APLP2: variants seen among roughly 807,000 people sequenced by gnomAD.
APLP2 encodes CDEI box-binding protein.
A neutral mutation model predicts 89.9 loss-of-function variants in APLP2; 53 were observed. The ratio of observed to expected loss-of-function variants is 0.59; its 90% CI spans 0.47 to 0.74. The LOEUF (loss-of-function observed/expected upper bound fraction) is 0.74, where lower values mean the gene tolerates loss of function less well. Among genes scored for constraint, APLP2 ranks in the 30% least tolerant of loss-of-function variants. The pLI is 0.00. For missense variants in APLP2, 973 were observed against 975.9 expected (o/e 1.00, Z 0.04); for synonymous variants, 372 against 348.6 (o/e 1.07, Z -0.75).
intron 5 of APLP2, 152 bp downstream of exon 5, chr11:130,121,962 A>T: frequency 8.0e-7 from 1 of 1,253,022 alleles, no homozygotes; most frequent in Non-Finnish European, 1.1e-6. Flanking sequence ...CATTCTAGCC[A>T]TTGCCAATCA....
intron 9 of APLP2, among the ~76,000 whole-genome samples, chr11:130,128,607 C>T (rs1465896812): frequency 2.6e-5 from 4 of 152,182 alleles, no homozygotes; most frequent in Non-Finnish European, 5.9e-5. Context: ...TGGCAAAAAT[C>T]ACAATTACTT....
At chr11:130,094,719 A>C (rs1211125446) in intron 1 of APLP2, among the ~76,000 whole-genome samples, 1 of 152,230 alleles carries the variant, frequency 6.6e-6, no homozygotes. Context: ...ACCCTTTCTT[A>C]GGAAGCTATG....
At position 130,135,583 on chromosome 11, in the gene APLP2, C is replaced by A; in HGVS notation, c.1705C>A (p.Arg569Ser). 1 of 1,614,108 alleles carries A rather than the reference C, an allele frequency of 6.2e-7. No individual in the cohort carries two copies. Among genetic ancestry groups the A allele is most frequent in the Non-Finnish European group, 8.5e-7 (1 of 1,179,982 alleles). ...ATCAGATGAGCTCCTTCAGGAGCAG[C>A]GTGCAGATATGGACCAGTTCACTGC... Reference protein sequence around the residue: ...EEIDELLQEQRADMDQFTASI... With the variant: ...EEIDELLQEQSADMDQFTASI... The change falls in exon 13 of 17, where the codon CGT becomes AGT. Residue 569 changes from arginine to serine, a missense_variant. Transcript: ENST00000338167.
In APLP2 at chr11:130,123,606, A is replaced by T. The variant is rs1292732368; in HGVS notation, c.923-6A>T. The T allele has an allele frequency of 6.2e-7, 1 of 1,611,424 alleles. No individual in the cohort carries two copies. Among genetic ancestry groups the T allele is most frequent in the Non-Finnish European group, 8.5e-7 (1 of 1,178,956 alleles). ...TCCTGCTGACACTCTGACCATTTTC[A>T]CACAGCTGTCTGCTCCCAGGAGGCG... On this transcript the variant is annotated splice_region_variant and splice_polypyrimidine_tract_variant and intron_variant, in intron 6 of 16. Coordinates refer to ENST00000338167, the MANE Select transcript of APLP2 (RefSeq NM_001142276.2). This position sits in a 1 kb window ranked among gnomAD's most constrained non-coding sequence, Gnocchi z 4.0.
intron 1 of APLP2, among the ~76,000 whole-genome samples, chr11:130,077,883 C>A (rs1417650233): frequency 6.6e-6 from 1 of 152,174 alleles, no homozygotes; most frequent in Non-Finnish European, 1.5e-5. Flanking sequence ...AAAGTGCCAG[C>A]CACCCTTGCT....
At chr11:130,115,871 A>T (rs1349464493) in intron 3 of APLP2, among the ~76,000 whole-genome samples, 1 of 152,220 alleles carries the variant, frequency 6.6e-6, no homozygotes, top group Non-Finnish European at 1.5e-5. Flanking sequence ...CTACTTTTTA[A>T]AAAGGGGTTT....
In APLP2 at chr11:130,086,807, CAT is replaced by C. The variant is rs145149726; in HGVS notation, c.105+16726_105+16727del. Among the ~76,000 whole-genome samples, 548 of 152,334 alleles carry C rather than the reference CAT, an allele frequency of 3.6e-3. 2 individuals carry two copies. The highest frequency in any genetic ancestry group is 6.9e-3 in the Admixed American group (105 of 15,302). ...TGTCCTGGCAGATCAATTGACCAAACATGTGAGGATTTATTTCTGGGCTCTCT... is the reference window on the plus strand; with the variant it reads ...TGTCCTGGCAGATCAATTGACCAAACGTGAGGATTTATTTCTGGGCTCTCT... On this transcript the variant is annotated intron_variant, in intron 1 of 16. Coordinates refer to ENST00000338167, the MANE Select transcript of APLP2 (RefSeq NM_001142276.2).
chr11:130,127,173 A>G (rs1344564601), intron 8 of APLP2, among the ~76,000 whole-genome samples: 1 of 152,058 alleles, frequency 6.6e-6, no homozygotes, highest in Admixed American at 6.5e-5. Context: ...TGCCGTGAGA[A>G]GAAAGTGACC....
intron 3 of APLP2, among the ~76,000 whole-genome samples, chr11:130,119,093 C>T (rs951712356): frequency 6.6e-6 from 1 of 152,162 alleles, no homozygotes; most frequent in East Asian, 1.9e-4. Context: ...TCCATGATGG[C>T]GAGGCTGGGT....
chr11:130,105,414 C>CAAA (rs377512957), intron 1 of APLP2, among the ~76,000 whole-genome samples: 1 of 144,972 alleles, frequency 6.9e-6, no homozygotes, highest in African/African-American at 2.5e-5. Context: ...GACCCTGTCT[C>CAAA]AAAAAAAAAA....
At chr11:130,105,235 A>G (rs1361993999) in intron 1 of APLP2, among the ~76,000 whole-genome samples, 1 of 152,216 alleles carries the variant, frequency 6.6e-6, no homozygotes, top group African/African-American at 2.4e-5. Context: ...CAACACAATG[A>G]GACCCCATCT....
intron 1 of APLP2, among the ~76,000 whole-genome samples, chr11:130,092,723 G>GGGGGAA (rs145297907): frequency 0.095 from 11,300 of 119,218 alleles, 949 homozygotes; most frequent in East Asian, 0.24. Flanking sequence ...GGGAGGGGGA[G>GGGGGAA]GGAGAGGGAG....
At chr11:130,104,233 T>G (rs946826224) in intron 1 of APLP2, among the ~76,000 whole-genome samples, 2 of 127,162 alleles carry the variant, frequency 1.6e-5, no homozygotes, top group African/African-American at 7.0e-5. Context: ...TTTTTTTTTT[T>G]GAGACAGATT....
intron 5 of APLP2, 36 bp from the exon 6 acceptor site, chr11:130,122,269 C>A: frequency 1.9e-6 from 3 of 1,611,358 alleles, no homozygotes; most frequent in Non-Finnish European, 2.5e-6. Flanking sequence ...CACATAGGAG[C>A]TATTAACCTT....
At chr11:130,090,372 A>C (rs1240433680) in intron 1 of APLP2, among the ~76,000 whole-genome samples, 1 of 147,530 alleles carries the variant, frequency 6.8e-6, no homozygotes, top group Non-Finnish European at 1.5e-5. Flanking sequence ...AAACAAGTGA[A>C]CAAAGGTCTC....
chr11:130,141,185 C>CGG lies in APLP2; in HGVS notation c.1924-312_1924-311insGG. ...CCTCCCAAAGTGCTGGGATTACAGG[C>CGG]GTGAGCCACCGCGCCTGGTGTAAAC... On this transcript the variant is annotated intron_variant, in intron 14 of 16. Coordinates refer to ENST00000338167, the MANE Select transcript of APLP2 (RefSeq NM_001142276.2). The surrounding 1 kb of genome is among the most constrained non-coding windows in gnomAD (Gnocchi z 4.2). The CGG allele has an allele frequency of 1.6e-5, 4 of 256,978 alleles. No homozygotes were observed. The allele number at this position is 256,978 out of a possible 1,614,324, so 15.9% of individuals were successfully genotyped here.
At chr11:130,100,920 A>G (rs911369558) in intron 1 of APLP2, among the ~76,000 whole-genome samples, 1 of 152,232 alleles carries the variant, frequency 6.6e-6, no homozygotes, top group Non-Finnish European at 1.5e-5. Flanking sequence ...TTACTGCTAT[A>G]CAACCGGAAA....
intron 1 of APLP2, among the ~76,000 whole-genome samples, chr11:130,074,161 G>A (rs1465331331): frequency 6.6e-6 from 1 of 152,130 alleles, no homozygotes; most frequent in Admixed American, 6.5e-5. Flanking sequence ...TTAGTTTGTT[G>A]ACCCAATCAT....
rs147967680 is a variant in APLP2 at position 130,134,385 on chromosome 11, G to A, written c.1684+657G>A. Among the ~76,000 whole-genome samples the A allele has an allele frequency of 3.5e-3, 534 of 152,244 alleles. 1 individual carries two copies. Among genetic ancestry groups the A allele is most frequent in the African/African-American group, 0.012 (508 of 41,528 alleles). ...AGAGCACGTTGGTAGCAGAGGGAGC[G>A]GCAGCTACAAAGGCCCCAGGTGGAA... is the stretch of plus-strand genomic sequence containing the variant. On this transcript the variant is annotated intron_variant, in intron 12 of 16. Transcript: ENST00000338167.
Sources: gnomAD v4.1 joint callset for allele counts (sites outside exome capture counted in the v4.1 genomes callset) on GRCh38, gnomAD v4.1.1 for gene constraint, Gnocchi (gnomAD v3.1) non-coding constraint, MANE v1.5 for transcripts, NCBI Gene and HGNC (gene_info 2026-07-23, HGNC 2026-07-21) for gene names.